SCML2: variants seen among roughly 807,000 people sequenced by gnomAD.
SCML2 encodes sex comb on midleg-like protein 2.
A neutral mutation model predicts 48.4 loss-of-function variants in SCML2; 6 were observed. The observed-to-expected ratio is 0.12, with a 90% CI of 0.07 to 0.24. The LOEUF (loss-of-function observed/expected upper bound fraction) is 0.24. Ranked by LOEUF, SCML2 falls within the 10% of genes least tolerant of loss-of-function variation. SCML2 has a pLI of 1.00. For missense variants in SCML2, 377 were observed against 528.2 expected, an observed-to-expected ratio of 0.71 and a Z score of 2.81; for synonymous variants, 181 against 189.5, an observed-to-expected ratio of 0.95 and a Z score of 0.37.
chrX:18,301,736 C>T lies in SCML2; in HGVS notation c.730+3236G>A, dbSNP rs184506581. ...AAGCTGCAGTGAGCCATGATTGCAC[C>T]ACTGCACTCCAGCCTGGGTGTCACG... On this transcript the variant is annotated intron_variant, in intron 7 of 14. Transcript: ENST00000251900. Among the ~76,000 whole-genome samples, 987 of 111,474 alleles carry T rather than the reference C, an allele frequency of 8.9e-3. 11 individuals carry two copies. Among genetic ancestry groups the T allele is most frequent in the African/African-American group, 0.03 (935 of 30,660 alleles).
At chrX:18,295,863 T>C (rs1928379970) in intron 7 of SCML2, among the ~76,000 whole-genome samples, 1 of 112,064 alleles carries the variant, frequency 8.9e-6, no homozygotes, top group Non-Finnish European at 1.9e-5. Flanking sequence ...ATGACACTGT[T>C]TACAGCCAAA....
In SCML2 at chrX:18,294,175, T is replaced by C. The variant is rs764992795; in HGVS notation, c.730+10797A>G. The stretch of plus-strand genomic sequence containing the variant: ...ATACAATAGGTAAATCACTTCAAGA[T>C]GGCTGACTGGAGGCTTCCAATATTC... On this transcript the variant is annotated intron_variant, in intron 7 of 14. Transcript: ENST00000251900. Among the ~76,000 whole-genome samples the C allele has an allele frequency of 8.0e-5, 9 of 111,981 alleles. No individual in the cohort carries two copies. In the South Asian group the frequency reaches 3.4e-3, roughly 42 times the overall value.
Position 18,246,593 on chromosome X carries a change from C to A in SCML2, c.1806G>T (p.Met602Ile). The A allele has an allele frequency of 8.3e-7, 1 of 1,199,116 alleles. No individual in the cohort carries two copies. The highest frequency in any genetic ancestry group is 1.1e-6 in the Non-Finnish European group (1 of 889,454). Residue 602 changes from methionine to isoleucine, a missense_variant, in exon 13 of 15, where the codon ATG (methionine) becomes ATT (isoleucine). Around this residue, in one of 3 missense-constraint regions of SCML2, gnomAD observed 299 missense variants for 425.5 expected, o/e 0.70. Coordinates refer to ENST00000251900, the MANE Select transcript of SCML2 (RefSeq NM_006089.3). ...TGAACATACCTTCACTTTTCCTCTGCATTTGGAATTTAACTTCATGGGGAC... is the reference window on the plus strand; with the variant it reads ...TGAACATACCTTCACTTTTCCTCTGAATTTGGAATTTAACTTCATGGGGAC... Reference protein sequence around the residue: ...KSSPHEVKFQMQRKSEAPSYI... With the variant: ...KSSPHEVKFQIQRKSEAPSYI...
At chrX:18,314,793 G>T (rs1929060843) in intron 6 of SCML2, among the ~76,000 whole-genome samples, 1 of 111,454 alleles carries the variant, frequency 9.0e-6, no homozygotes, top group Non-Finnish European at 1.9e-5. Context: ...CAATGCTATA[G>T]AAGTATAGGA....
At chrX:18,316,540 C>T (rs990869598) in intron 6 of SCML2, among the ~76,000 whole-genome samples, 16 of 112,178 alleles carry the variant, frequency 1.4e-4, no homozygotes, top group Non-Finnish European at 2.1e-4. Context: ...TTCACCACTC[C>T]CTCCAAAAAA....
rs746680899 is a variant in SCML2 at position 18,336,300 on chromosome X, G to A, written c.-24-2205C>T. Among the ~76,000 whole-genome samples, 497 of 108,624 alleles carry A rather than the reference G, an allele frequency of 4.6e-3. 5 individuals carry two copies. The highest frequency in any genetic ancestry group is 0.016 in the African/African-American group (464 of 29,817). 94.3% of individuals were successfully genotyped at this position (108,624 alleles called of 115,157 possible). A position where few individuals can be genotyped will look rare whatever the true frequency, so the allele number is the denominator to read the frequency against. ...CTAAAAATACAAAAATTAGCTGGGC[G>A]TGGTGGCATGCACCTGTAGTCCCAG... On this transcript the variant is annotated intron_variant, in intron 1 of 14. Coordinates refer to ENST00000251900, the MANE Select transcript of SCML2 (RefSeq NM_006089.3).
Position 18,331,259 on chromosome X carries a change from CAAAAAAAAAAAAAA to C in SCML2, c.23-618_23-605del, listed in dbSNP as rs35589774. 1.6e-3 allele frequency among the ~76,000 whole-genome samples: 26 copies of C among 16,265 alleles called. 1 individual carries two copies. The highest frequency in any genetic ancestry group is 0.016 in the South Asian group (1 of 61). 14.1% of individuals were successfully genotyped at this position (16,265 alleles called of 115,157 possible). A position where few individuals can be genotyped will look rare whatever the true frequency, so the allele number is the denominator to read the frequency against. ...TGGGTGACAGAGCGAGACTCCGTCT[CAAAAAAAAAAAAAA>C]AAAAAAAAAAAAAAAAATCAGTGCA... On this transcript the variant is annotated intron_variant, in intron 2 of 14. Transcript: ENST00000251900.
intron 1 of SCML2, among the ~76,000 whole-genome samples, chrX:18,347,955 A>T (rs896003654): frequency 3.6e-5 from 4 of 111,347 alleles, no homozygotes; most frequent in Non-Finnish European, 5.6e-5. Context: ...AAGAAGGCTT[A>T]ACTATTTTCA....
chrX:18,300,630 A>G (rs993426221), intron 7 of SCML2, among the ~76,000 whole-genome samples: 9 of 110,141 alleles, frequency 8.2e-5, no homozygotes, highest in African/African-American at 2.6e-4. Flanking sequence ...GTCTCTAATA[A>G]AAATACAAAA....
chrX:18,341,977 CAG>C (rs1381903455), intron 1 of SCML2, among the ~76,000 whole-genome samples: 4 of 111,962 alleles, frequency 3.6e-5, no homozygotes, highest in Non-Finnish European at 5.6e-5. Context: ...GTTGAATCCT[CAG>C]AGTGTCTCAA....
intron 11 of SCML2, among the ~76,000 whole-genome samples, chrX:18,254,740 A>C (rs1926777561): frequency 9.0e-6 from 1 of 111,250 alleles, no homozygotes; most frequent in South Asian, 3.8e-4. Context: ...CCTGGTCAAC[A>C]AGGTGAAACT....
At chrX:18,347,899 C>A (rs776186768) in intron 1 of SCML2, among the ~76,000 whole-genome samples, 19 of 110,434 alleles carry the variant, frequency 1.7e-4, no homozygotes, top group African/African-American at 5.9e-4. Context: ...AAAGAGTCCA[C>A]CCCAACAAAT....
chrX:18,260,377 A>C, intron 8 of SCML2, 86 bp from the exon 9 acceptor site: 7 of 762,157 alleles, frequency 9.2e-6, no homozygotes, highest in Non-Finnish European at 1.1e-5. Flanking sequence ...TATAAATATC[A>C]TTGGTTTATA....
At chrX:18,354,258 G>A (rs1282528783) in intron 1 of SCML2, among the ~76,000 whole-genome samples, 1 of 113,271 alleles carries the variant, frequency 8.8e-6, no homozygotes, top group African/African-American at 3.2e-5. Flanking sequence ...ACCCACGGCA[G>A]GGAGGATGCG....
rs1414311397 is a variant in SCML2 at position 18,240,301 on chromosome X, T to C, written c.*950A>G. The C allele has an allele frequency of 8.9e-6, 1 of 112,446 alleles. No individual in the cohort carries two copies. Among genetic ancestry groups the C allele is most frequent in the African/African-American group, 3.2e-5 (1 of 30,858 alleles). 9.3% of individuals were successfully genotyped at this position (112,446 alleles called of 1,213,427 possible). ...TCAAGAAAAAAAAGATTTACTTGTG[T>C]GTAAACCTACAGGTATAAAACAATA... is the stretch of plus-strand genomic sequence containing the variant. On this transcript the variant is annotated 3_prime_UTR_variant, in exon 15 of 15. Transcript: ENST00000251900.
At chrX:18,334,385 T>C (rs889839278) in intron 1 of SCML2, among the ~76,000 whole-genome samples, 9 of 111,981 alleles carry the variant, frequency 8.0e-5, no homozygotes, top group Admixed American at 2.9e-4. Context: ...ATCATTGAAT[T>C]GTATACCTTA....
At chrX:18,290,319 T>C (rs1445571359) in intron 7 of SCML2, among the ~76,000 whole-genome samples, 1 of 111,888 alleles carries the variant, frequency 8.9e-6, no homozygotes, top group East Asian at 2.8e-4. Context: ...CAGCCTACGA[T>C]GCCAAAGGAC....
At chrX:18,293,476 G>A (rs1928298429) in intron 7 of SCML2, among the ~76,000 whole-genome samples, 1 of 111,649 alleles carries the variant, frequency 9.0e-6, no homozygotes, top group Admixed American at 9.5e-5. Flanking sequence ...GGCAGCAGTG[G>A]GCATACATTT....
intron 7 of SCML2, among the ~76,000 whole-genome samples, chrX:18,298,352 G>A (rs961713607): frequency 1.8e-5 from 2 of 111,579 alleles, no homozygotes; most frequent in Admixed American, 1.9e-4. Context: ...CACACCACCT[G>A]ACTTCAAAAT....
Sources: allele counts gnomAD v4.1 joint callset (sites outside exome capture counted in the v4.1 genomes callset), GRCh38; gene constraint gnomAD v4.1.1; regional missense constraint gnomAD v4.1.1; transcripts MANE v1.5; gene names NCBI Gene and HGNC (gene_info 2026-07-23, HGNC 2026-07-21).